Variants in FGF13 observed in about 807,000 individuals in gnomAD.
The protein encoded by FGF13 is fibroblast growth factor 13.
Under a neutral mutation model 19.5 loss-of-function variants are expected in FGF13, and 2 were observed. The observed-to-expected ratio is 0.10, with a 90% CI of 0.04 to 0.32. FGF13 has a LOEUF of 0.32. Ranked by LOEUF, FGF13 falls within the 10% of genes least tolerant of loss-of-function variation. FGF13 has a pLI of 1.00. For synonymous variants in FGF13, 72 were observed against 76.9 expected (o/e 0.94, Z 0.33); for missense variants, 113 against 192.7 (o/e 0.59, Z 2.45).
chrX:139,032,033 C>T (rs1337930185), intron 1 of FGF13, among the ~76,000 whole-genome samples: 1 of 111,004 alleles, frequency 9.0e-6, no homozygotes, highest in Non-Finnish European at 1.9e-5. Context: ...CATGGGTTCA[C>T]GTTCCAGTTG....
chrX:138,916,650 C>T (rs1252607157), intron 1 of FGF13, among the ~76,000 whole-genome samples: 2 of 112,234 alleles, frequency 1.8e-5, no homozygotes, highest in Admixed American at 1.9e-4. Context: ...AGCTGCTTCG[C>T]CTAAGAGACT....
chrX:138,963,767 T>C (rs1048121710), intron 1 of FGF13, among the ~76,000 whole-genome samples: 4 of 112,050 alleles, frequency 3.6e-5, no homozygotes, highest in African/African-American at 1.3e-4. Flanking sequence ...TAATTTGTCT[T>C]CTTTGTCCTA....
intron 3 of FGF13, among the ~76,000 whole-genome samples, chrX:138,768,702 T>A (rs5931485): frequency 9.8e-5 from 9 of 91,721 alleles, no homozygotes; most frequent in African/African-American, 3.5e-4. Context: ...AAGTATATAT[T>A]ATATATATAT....
At chrX:138,655,606 G>C (rs1465080331) in intron 3 of FGF13, among the ~76,000 whole-genome samples, 2 of 111,160 alleles carry the variant, frequency 1.8e-5, no homozygotes, top group Admixed American at 9.6e-5. Context: ...GGGCTACCAG[G>C]GTTGATGAAT....
At chrX:139,082,207 G>T (rs913829678) in intron 1 of FGF13, among the ~76,000 whole-genome samples, 1 of 111,319 alleles carries the variant, frequency 9.0e-6, no homozygotes, top group South Asian at 3.8e-4. Flanking sequence ...CCTTTCCTCT[G>T]TCTAGAGTGC....
chrX:139,075,522 G>A (rs2083326643), intron 1 of FGF13, among the ~76,000 whole-genome samples: 1 of 111,901 alleles, frequency 8.9e-6, no homozygotes, highest in African/African-American at 3.2e-5. Flanking sequence ...CCTATTGTGG[G>A]AAAGGTAACA....
At position 138,902,817 on chromosome X, in the gene FGF13, C is replaced by T. The variant is rs1358279082; in HGVS notation, c.-112-38167G>A. 1.3e-4 allele frequency among the ~76,000 whole-genome samples: 15 copies of T among 111,248 alleles called. No homozygotes were observed. The Admixed American group carries it at 1.4e-3, about 11-fold the overall frequency. On this transcript the variant is annotated intron_variant, in intron 1 of 2. Coordinates refer to the FGF13 transcript ENST00000421460. ...AATTATATGCAGCATCACCTAAATG[C>T]CTAAGTAAAACCACAAAATCATGTA...
rs770798781 is a variant in FGF13, at chrX:138,817,771, A to C, written c.217+39741T>G. Among the ~76,000 whole-genome samples the C allele has an allele frequency of 8.0e-5, 9 of 112,153 alleles. No individual in the cohort carries two copies. In the South Asian group the frequency reaches 3.0e-3, roughly 37 times the overall value. On this transcript the variant is annotated intron_variant, in intron 3 of 6. Transcript: ENST00000436198. ...TCCAGTTTCCCACTTAGGTCACTGG[A>C]TTGAAGTTACAGATGTACATGTTTA...
chrX:139,078,069 T>C (rs1450033532), intron 1 of FGF13, among the ~76,000 whole-genome samples: 2 of 111,005 alleles, frequency 1.8e-5, no homozygotes, highest in Non-Finnish European at 1.9e-5. Context: ...TGTTTGTTTG[T>C]TTAGTTTCCA....
At position 139,007,246 on chromosome X, in the gene FGF13, CAAAA is replaced by C. The variant is rs746872993; in HGVS notation, c.-112-142600_-112-142597del. Among the ~76,000 whole-genome samples the C allele has an allele frequency of 2.3e-3, 252 of 110,843 alleles. 2 individuals are homozygous for C. Among genetic ancestry groups the C allele is most frequent in the African/African-American group, 7.7e-3 (234 of 30,547 alleles). ...TTTCAAGACAAAAACTAGAAAAAGACAAAAAGAAAGTCACTGTATAATGATAAAG... is the reference window on the plus strand; with the variant it reads ...TTTCAAGACAAAAACTAGAAAAAGACAGAAAGTCACTGTATAATGATAAAG... On this transcript the variant is annotated intron_variant, in intron 1 of 2. Coordinates refer to the FGF13 transcript ENST00000421460.
At chrX:138,705,271 T>C (rs983524105) in intron 2 of FGF13, among the ~76,000 whole-genome samples, 2 of 111,464 alleles carry the variant, frequency 1.8e-5, no homozygotes, top group African/African-American at 6.5e-5. Context: ...GTTCTCTTAA[T>C]GCAGCTTATA....
At chrX:139,167,247 A>G (rs747656319) in intron 1 of FGF13, among the ~76,000 whole-genome samples, 1 of 112,192 alleles carries the variant, frequency 8.9e-6, no homozygotes, top group Non-Finnish European at 1.9e-5. Flanking sequence ...CTTCAAGAGT[A>G]ACTTGTATAT....
At chrX:139,119,434 C>T (rs1339768986) in intron 1 of FGF13, among the ~76,000 whole-genome samples, 2 of 111,977 alleles carry the variant, frequency 1.8e-5, no homozygotes, top group South Asian at 3.7e-4. Context: ...CTCCCAAGGA[C>T]GTGCTATCAT....
intron 1 of FGF13, among the ~76,000 whole-genome samples, chrX:139,029,403 A>G (rs2092217591): frequency 9.0e-6 from 1 of 111,672 alleles, no homozygotes; most frequent in Admixed American, 9.5e-5. Context: ...CCTGTTTTAC[A>G]CCCGTAATAT....
chrX:139,166,395 T>TCC (rs373139393), intron 1 of FGF13, among the ~76,000 whole-genome samples: 1 of 111,869 alleles, frequency 8.9e-6, no homozygotes, highest in Non-Finnish European at 1.9e-5. Flanking sequence ...TCCTGAGTCT[T>TCC]CCCCAGCCAT....
chrX:138,727,711 T>C (rs5974773), intron 1 of FGF13, among the ~76,000 whole-genome samples: 22,843 of 110,860 alleles, frequency 0.21, 1,767 homozygotes, highest in Middle Eastern at 0.29. Context: ...ACTAGGCTAA[T>C]GATTAATATT....
intron 1 of FGF13, among the ~76,000 whole-genome samples, chrX:139,131,879 T>A (rs778099733): frequency 2.7e-5 from 3 of 112,203 alleles, no homozygotes; most frequent in Non-Finnish European, 5.6e-5. Context: ...TTGCTACCAG[T>A]CTATTCATGT....
At chrX:138,943,227 C>T (rs1404605497) in intron 1 of FGF13, among the ~76,000 whole-genome samples, 1 of 112,230 alleles carries the variant, frequency 8.9e-6, no homozygotes, top group East Asian at 2.8e-4. Flanking sequence ...CTGGCTCACT[C>T]CCACTGCCCA....
intron 3 of FGF13, among the ~76,000 whole-genome samples, chrX:138,847,791 A>G (rs890782887): frequency 1.8e-5 from 2 of 111,800 alleles, no homozygotes; most frequent in Admixed American, 9.5e-5. Flanking sequence ...GGCTGCTGTA[A>G]TCCTTTTATG....
Sources: gnomAD v4.1 joint callset for allele counts (sites outside exome capture counted in the v4.1 genomes callset) on GRCh38, gnomAD v4.1.1 for gene constraint, MANE v1.5 for transcripts, NCBI Gene and HGNC (gene_info 2026-07-23, HGNC 2026-07-21) for gene names.